FAM114A1: variants seen among roughly 807,000 people sequenced by gnomAD.
FAM114A1 encodes the protein family with sequence similarity 114 member A1.
In FAM114A1, 62 loss-of-function variants were observed where a neutral mutation model predicts 64.3. The ratio of observed to expected loss-of-function variants is 0.96; its 90% CI spans 0.79 to 1.19. The LOEUF (loss-of-function observed/expected upper bound fraction) is 1.19. Among genes scored for constraint, FAM114A1 ranks in the 50% most tolerant of loss-of-function variants. The pLI is 0.00. For missense variants in FAM114A1, 645 were observed against 676.3 expected (o/e 0.95, Z 0.51); for synonymous variants, 254 against 251.1 (o/e 1.01, Z -0.11).
intron 3 of FAM114A1, among the ~76,000 whole-genome samples, chr4:38,878,657 A>G (rs1714916895): frequency 6.6e-6 from 1 of 152,238 alleles, no homozygotes; most frequent in Admixed American, 6.5e-5. Context: ...ATTATCAGAC[A>G]CAAGCCGTGT....
intron 3 of FAM114A1, among the ~76,000 whole-genome samples, chr4:38,885,128 C>A (rs1715669867): frequency 6.6e-6 from 1 of 152,096 alleles, no homozygotes; most frequent in South Asian, 2.1e-4. Flanking sequence ...GCATCTGCCA[C>A]CATGCCAAGC....
At position 38,944,374 on chromosome 4, in the gene FAM114A1, A is replaced by T. The variant is rs1019781889; in HGVS notation, c.*817A>T. ...CTTGAGCCACCGCGCCCGGCCGGTCATTCATTCTTGCAACAAGCATTTATT... is the reference window on the plus strand; with the variant it reads ...CTTGAGCCACCGCGCCCGGCCGGTCTTTCATTCTTGCAACAAGCATTTATT... On this transcript the variant is annotated 3_prime_UTR_variant, in exon 15 of 15. Transcript: ENST00000358869. 9 of 152,240 alleles carry T rather than the reference A, an allele frequency of 5.9e-5. No individual in the cohort carries two copies. The highest frequency in any genetic ancestry group is 1.9e-4 in the African/African-American group (8 of 41,420). 9.4% of individuals were successfully genotyped at this position (152,240 alleles called of 1,614,324 possible).
At chr4:38,882,596 T>C (rs576932513) in intron 3 of FAM114A1, among the ~76,000 whole-genome samples, 4 of 152,100 alleles carry the variant, frequency 2.6e-5, no homozygotes, top group African/African-American at 9.6e-5. Context: ...ACCATTGCAC[T>C]CCAGCCTGGG....
intron 4 of FAM114A1, among the ~76,000 whole-genome samples, chr4:38,894,005 A>T (rs1716658975): frequency 2.6e-5 from 4 of 152,042 alleles, no homozygotes; most frequent in Admixed American, 2.0e-4. Context: ...TCTACTAAAA[A>T]TACAAAAATT....
chr4:38,932,632 G>C (rs1182112486), intron 12 of FAM114A1, among the ~76,000 whole-genome samples: 1 of 152,010 alleles, frequency 6.6e-6, no homozygotes, highest in East Asian at 1.9e-4. Flanking sequence ...CTGGAGTTGG[G>C]ACCACAGGTG....
intron 12 of FAM114A1, among the ~76,000 whole-genome samples, 184 bp downstream of exon 12, chr4:38,932,558 A>G (rs1720741575): frequency 6.6e-6 from 1 of 152,110 alleles, no homozygotes; most frequent in Non-Finnish European, 1.5e-5. Flanking sequence ...GTGCAATGGC[A>G]TGATCATGAC....
intron 13 of FAM114A1, among the ~76,000 whole-genome samples, chr4:38,940,126 G>A (rs992200767): frequency 5.3e-5 from 8 of 152,186 alleles, no homozygotes; most frequent in African/African-American, 1.4e-4. Flanking sequence ...CCTGACCTCA[G>A]GTGATCCACT....
intron 3 of FAM114A1, among the ~76,000 whole-genome samples, chr4:38,889,719 C>G (rs1716141464): frequency 6.6e-6 from 1 of 152,148 alleles, no homozygotes; most frequent in Non-Finnish European, 1.5e-5. Context: ...TCAGTCTCAA[C>G]CAGTACTCTA....
chr4:38,880,107 G>GTAGAATAGAGTAGAA (rs1553863241), intron 3 of FAM114A1, among the ~76,000 whole-genome samples: 1 of 127,274 alleles, frequency 7.9e-6, no homozygotes, highest in Non-Finnish European at 1.7e-5. Context: ...ATAAAATAGA[G>GTAGAATAGAGTAGAA]TAGAATAGAA....
At chr4:38,911,058 C>CT (rs1357847810) in intron 7 of FAM114A1, among the ~76,000 whole-genome samples, 7 of 152,172 alleles carry the variant, frequency 4.6e-5, no homozygotes, top group Admixed American at 6.5e-5. Context: ...GTTAGAGTGA[C>CT]TATCAGTCTG....
intron 9 of FAM114A1, among the ~76,000 whole-genome samples, chr4:38,923,250 A>C (rs9992586): frequency 0.21 from 27,622 of 132,294 alleles, 2,895 homozygotes; most frequent in Middle Eastern, 0.35. Context: ...TTTGAGATGG[A>C]GTCTCGCTCT....
chr4:38,915,070 C>G lies in FAM114A1; in HGVS notation c.942C>G (p.Ser314Arg). Reference protein sequence around the residue: ...ALEILSNESESKVQSFLASLD... With the variant: ...ALEILSNESERKVQSFLASLD... ...AAATTCTGTCCAATGAAAGCGAAAG[C>G]AAGGTACTTCTGCACTACTCGTTTG... The change falls in exon 8 of 15, where the codon AGC becomes AGG. Residue 314 changes from serine to arginine, a missense_variant. Coordinates refer to ENST00000358869, the MANE Select transcript of FAM114A1 (RefSeq NM_138389.4). The G allele has an allele frequency of 1.2e-6, 2 of 1,614,040 alleles. No homozygotes were observed. Among genetic ancestry groups the G allele is most frequent in the Non-Finnish European group, 8.5e-7 (1 of 1,179,974 alleles).
At chr4:38,896,265 TC>T (rs1560300262) in intron 4 of FAM114A1, among the ~76,000 whole-genome samples, 1 of 151,786 alleles carries the variant, frequency 6.6e-6, no homozygotes, top group African/African-American at 2.4e-5. Flanking sequence ...ACCCACCTCC[TC>T]CCCCCAAAAT....
chr4:38,928,151 CT>C (rs33931478), intron 9 of FAM114A1, among the ~76,000 whole-genome samples: 30,098 of 152,168 alleles, frequency 0.2, 3,218 homozygotes, highest in African/African-American at 0.27. Context: ...AAAATAGCAT[CT>C]CCAGACAAGG....
At chr4:38,937,167 C>T (rs1408774204) in intron 13 of FAM114A1, among the ~76,000 whole-genome samples, 1 of 152,126 alleles carries the variant, frequency 6.6e-6, no homozygotes, top group Non-Finnish European at 1.5e-5. Flanking sequence ...AGGTTGTTTT[C>T]TTGGTTTCAA....
intron 4 of FAM114A1, among the ~76,000 whole-genome samples, chr4:38,893,709 TC>T (rs1316828571): frequency 6.6e-6 from 1 of 152,200 alleles, no homozygotes; most frequent in East Asian, 1.9e-4. Context: ...CTGACAGCTC[TC>T]CCATTGAATT....
chr4:38,932,138 A>G, intron 11 of FAM114A1, 97 bp from the exon 12 acceptor site: 1 of 1,340,090 alleles, frequency 7.5e-7, no homozygotes, highest in African/African-American at 1.5e-5. Flanking sequence ...TATTTGGGGT[A>G]TTTTTGAAAG....
chr4:38,896,700 A>G (rs930520643), intron 4 of FAM114A1, among the ~76,000 whole-genome samples: 3 of 152,222 alleles, frequency 2.0e-5, no homozygotes, highest in Admixed American at 1.3e-4. Context: ...GCGAGGCACA[A>G]TTTCTGCTAT....
At chr4:38,929,207 T>A in intron 9 of FAM114A1, 35 bp from the exon 10 acceptor site, 2 of 1,532,124 alleles carry the variant, frequency 1.3e-6, no homozygotes, top group Non-Finnish European at 1.8e-6. Context: ...GGATGAAAAA[T>A]AAATCACGCT....
Sources: allele counts gnomAD v4.1 joint callset (sites outside exome capture counted in the v4.1 genomes callset), GRCh38; gene constraint gnomAD v4.1.1; transcripts MANE v1.5; gene names NCBI Gene and HGNC (gene_info 2026-07-23, HGNC 2026-07-21).